Variants in CEP78 observed in about 807,000 individuals in gnomAD.
CEP78 encodes the protein centrosomal protein of 78 kDa.
In CEP78, 76 loss-of-function variants were observed where a neutral mutation model predicts 81.2. That is an observed-to-expected ratio of 0.94 (90% confidence interval 0.78 to 1.13). The LOEUF is 1.13. Ranked by LOEUF, CEP78 falls within the 50% of genes most tolerant of loss-of-function variation. CEP78 has a pLI of 0.00. For synonymous variants in CEP78, 293 were observed against 301.4 expected, an observed-to-expected ratio of 0.97 and a Z score of 0.29; for missense variants, 918 against 846.8, an observed-to-expected ratio of 1.08 and a Z score of -1.04.
Position 78,266,673 on chromosome 9 carries a change from A to C in CEP78, c.2077A>C (p.Arg693=), listed in dbSNP as rs61730339. ...RKEEELSRNS[R]SSSEKKTKTE... is the part of the protein sequence containing the mutation. ...AGAAGAGGAGTTGTCCAGAAATAGCAGATCTTCTTCAGAGAAAAAGACCAA... is the reference window on the plus strand; with the variant it reads ...AGAAGAGGAGTTGTCCAGAAATAGCCGATCTTCTTCAGAGAAAAAGACCAA... The change falls in exon 16 of 17, where the codon AGA becomes CGA. Residue 693 remains arginine (R), a synonymous_variant. Coordinates refer to ENST00000643273, the MANE Select transcript of CEP78 (RefSeq NM_001330691.3). The C allele has an allele frequency of 4.9e-4, 793 of 1,612,238 alleles. 4 individuals are homozygous for C. The African/African-American group carries it at 7.7e-3, about 16-fold the overall frequency.
At position 78,257,476 on chromosome 9, in the gene CEP78, A is replaced by T. The variant is rs76485836; in HGVS notation, c.1380+2512A>T. ...GAAGGAAGATAATAGGATATCAGGG[A>T]TCAGTGGTTTCAGTGTGGAGAGCAG... On this transcript the variant is annotated intron_variant, in intron 11 of 16. Coordinates refer to ENST00000643273, the MANE Select transcript of CEP78 (RefSeq NM_001330691.3). Among the ~76,000 whole-genome samples the T allele has an allele frequency of 3.7e-3, 565 of 152,308 alleles. 2 individuals are homozygous for T. The highest frequency in any genetic ancestry group is 0.013 in the African/African-American group (548 of 41,562).
chr9:78,263,302 C>T (rs551444966), intron 12 of CEP78, among the ~76,000 whole-genome samples: 44 of 151,534 alleles, frequency 2.9e-4, no homozygotes, highest in Non-Finnish European at 5.0e-4. Flanking sequence ...TATACAATTG[C>T]GTAAAAGATG....
intron 16 of CEP78, among the ~76,000 whole-genome samples, chr9:78,270,402 A>G (rs910570197): frequency 8.5e-5 from 13 of 152,200 alleles, no homozygotes; most frequent in African/African-American, 3.1e-4. Flanking sequence ...ACCTGAAATA[A>G]TATCATTTAA....
In CEP78 at chr9:78,236,969, CTTTTTTTTTTTTT is replaced by C. The variant is rs71360676; in HGVS notation, c.253+383_253+395del. ...GAAATTAATACATGTCAGCCTTTGTCTTTTTTTTTTTTTTTTTTTTTTTTTTTTTGAGACACTG... is the reference window on the plus strand; with the variant it reads ...GAAATTAATACATGTCAGCCTTTGTCTTTTTTTTTTTTTTTTGAGACACTG... On this transcript the variant is annotated intron_variant, in intron 1 of 16. Coordinates refer to ENST00000643273, the MANE Select transcript of CEP78 (RefSeq NM_001330691.3). Among the ~76,000 whole-genome samples the C allele has an allele frequency of 3.9e-3, 244 of 62,116 alleles. 4 individuals carry two copies. Among genetic ancestry groups the C allele is most frequent in the Non-Finnish European group, 5.2e-3 (177 of 33,994 alleles). The allele number at this position is 62,116 out of a possible 152,430, so 40.8% of individuals were successfully genotyped here. A position where few individuals can be genotyped will look rare whatever the true frequency, so the allele number is the denominator to read the frequency against.
chr9:78,263,985 C>T, intron 12 of CEP78, 165 bp from the exon 13 acceptor site: 1 of 411,330 alleles, frequency 2.4e-6, no homozygotes, highest in Non-Finnish European at 4.2e-6. Context: ...TGTCAGTTAT[C>T]TCCAGGTTTT....
At position 78,278,009 on chromosome 9, in the gene CEP78, A is replaced by T. The variant is rs1310366059; in HGVS notation, c.*7158A>T. 1 of 152,188 alleles carries T rather than the reference A, an allele frequency of 6.6e-6. No homozygotes were observed. Among genetic ancestry groups the T allele is most frequent in the Non-Finnish European group, 1.5e-5 (1 of 68,038 alleles). The allele number at this position is 152,188 out of a possible 1,614,324, so 9.4% of individuals were successfully genotyped here. A position where few individuals can be genotyped will look rare whatever the true frequency, so the allele number is the denominator to read the frequency against. On this transcript the variant is annotated 3_prime_UTR_variant, in exon 17 of 17. Coordinates refer to ENST00000643273, the MANE Select transcript of CEP78 (RefSeq NM_001330691.3). ...TTGTATAGTTAAAACTTGTTTACCT[A>T]TACGTAGCATATATGCGTGTGTGCA...
At position 78,246,774 on chromosome 9, in the gene CEP78, C is replaced by A; in HGVS notation, c.884C>A (p.Pro295Gln). The change falls in exon 6 of 17, where the codon CCA (proline) becomes CAA (glutamine). Residue 295 changes from proline (P) to glutamine (Q), a missense_variant. Physicochemically the swap from Pro to Gln is moderately conservative, Grantham distance 76 (BLOSUM62 -1). Transcript: ENST00000643273. ...GTCGTTCTGGATATAAGAAAAAATC[C>A]ACTCATTGGTATGTCGCTACAATAT... Reference protein sequence around the residue: ...TLVVLDIRKNPLIDHSMMKAV... With the variant: ...TLVVLDIRKNQLIDHSMMKAV... The A allele has an allele frequency of 1.3e-6, 2 of 1,564,146 alleles. No homozygotes were observed. The highest frequency in any genetic ancestry group is 1.7e-6 in the Non-Finnish European group (2 of 1,146,134).
At chr9:78,247,418 C>T (rs1264966443) in intron 6 of CEP78, among the ~76,000 whole-genome samples, 2 of 151,904 alleles carry the variant, frequency 1.3e-5, no homozygotes, top group African/African-American at 4.9e-5. Flanking sequence ...TATGTAGTTA[C>T]ATAGGTGGCA....
chr9:78,254,926 G>C lies in CEP78; in HGVS notation c.1342G>C (p.Val448Leu), dbSNP rs1190131990. Residue 448 changes from valine to leucine, a missense_variant, in exon 11 of 17, where the codon GTG becomes CTG. By Grantham distance (32) the Val-to-Leu change is conservative (BLOSUM62 1). Transcript: ENST00000643273. ...TGATTCTTCAGAGAGTGTTCATGAA[G>C]TGCCTGAGAAAACTAGTATAGAACA... is the stretch of plus-strand genomic sequence containing the variant. ...VDDSSESVHE[V>L]PEKTSIEQEA... The C allele has an allele frequency of 6.2e-7, 1 of 1,611,666 alleles. No homozygotes were observed. Among genetic ancestry groups the C allele is most frequent in the South Asian group, 1.1e-5 (1 of 90,960 alleles).
At chr9:78,268,067 G>A (rs906056817) in intron 16 of CEP78, among the ~76,000 whole-genome samples, 29 of 152,118 alleles carry the variant, frequency 1.9e-4, no homozygotes, top group African/African-American at 6.3e-4. Context: ...TCGTAATACC[G>A]TATATTACAT....
Position 78,264,286 on chromosome 9 carries a change from A to G in CEP78, c.1595A>G (p.His532Arg). The change falls in exon 13 of 17, where the codon CAT becomes CGT. Residue 532 changes from histidine to arginine, a missense_variant. Coordinates refer to ENST00000643273, the MANE Select transcript of CEP78 (RefSeq NM_001330691.3). The stretch of plus-strand genomic sequence containing the variant: ...ATTGAGAATTCTTTTCAGAAGTTTC[A>G]TGCTTTCTTGGATCTCCTTAAAGAT... ...GSIENSFQKF[H>R]AFLDLLKDAG... 6.2e-7 allele frequency: 1 copy of G among 1,613,270 alleles called. No homozygotes were observed. Among genetic ancestry groups the G allele is most frequent in the Non-Finnish European group, 8.5e-7 (1 of 1,179,516 alleles).
chr9:78,236,456 G>T lies in CEP78; in HGVS notation c.106G>T (p.Ala36Ser). 4 of 1,605,400 alleles carry T rather than the reference G, an allele frequency of 2.5e-6. No homozygotes were observed. Among genetic ancestry groups the T allele is most frequent in the Non-Finnish European group, 3.4e-6 (4 of 1,176,138 alleles). ...CTCGGTGCCGCTGCCCGCCGTGCGC[G>T]CCTGTCTCCGGGAGGGCGTGCTGGA... ...QNSVPLPAVR[A>S]CLREGVLDFN... Residue 36 changes from alanine (A) to serine (S), a missense_variant, in exon 1 of 17, where the codon GCC becomes TCC. Transcript: ENST00000643273.
rs1186202404 is a variant in CEP78, at chr9:78,277,038, A to ATG, written c.*6189_*6190dup. ...GAACCGAGAACCTAGGAACAGAGCA[A>ATG]TGTATATATATATGTATTTAAAAAA... On this transcript the variant is annotated 3_prime_UTR_variant, in exon 17 of 17. Transcript: ENST00000643273. 3 of 152,128 alleles carry ATG rather than the reference A, an allele frequency of 2.0e-5. No homozygotes were observed. The highest frequency in any genetic ancestry group is 6.5e-5 in the Admixed American group (1 of 15,270). 9.4% of individuals were successfully genotyped at this position (152,128 alleles called of 1,614,324 possible). A position where few individuals can be genotyped will look rare whatever the true frequency, so the allele number is the denominator to read the frequency against.
intron 16 of CEP78, among the ~76,000 whole-genome samples, chr9:78,269,614 T>C (rs1827646669): frequency 6.6e-6 from 1 of 152,162 alleles, no homozygotes; most frequent in South Asian, 2.1e-4. Flanking sequence ...AGAGAATAAG[T>C]GTCCACGGGA....
chr9:78,254,990 T>C (rs1826951391), intron 11 of CEP78, 26 bp downstream of exon 11: 1 of 1,588,282 alleles, frequency 6.3e-7, no homozygotes. Context: ...TTTAAAGATA[T>C]GGAGAAGATC....
intron 3 of CEP78, 133 bp from the exon 4 acceptor site, chr9:78,241,563 G>T (rs923861366): frequency 5.8e-6 from 3 of 514,920 alleles, no homozygotes; most frequent in Non-Finnish European, 1.0e-5. Context: ...CAGTTGCTTA[G>T]GTAGATTGTA....
chr9:78,236,118 A>C lies in CEP78; in HGVS notation c.-233A>C. The C allele has an allele frequency of 1.9e-6, 1 of 534,608 alleles. No homozygotes were observed. Among genetic ancestry groups the C allele is most frequent in the Non-Finnish European group, 3.3e-6 (1 of 305,036 alleles). The allele number at this position is 534,608 out of a possible 1,614,324, so 33.1% of individuals were successfully genotyped here. A position where few individuals can be genotyped will look rare whatever the true frequency, so the allele number is the denominator to read the frequency against. ...TCAGAGGACTATGAGGCGGGCGCCA[A>C]CTGCTTGGGCCGCAGGGCGGGAGGC... On this transcript the variant is annotated 5_prime_UTR_variant, in exon 1 of 17. Coordinates refer to ENST00000643273, the MANE Select transcript of CEP78 (RefSeq NM_001330691.3).
Position 78,266,965 on chromosome 9 carries a change from A to C in CEP78, c.2107+262A>C, listed in dbSNP as rs1400712215. 2.8e-6 allele frequency: 4 copies of C among 1,405,666 alleles called. No homozygotes were observed. The African/African-American group carries it at 4.3e-5, about 15-fold the overall frequency. 87.1% of individuals were successfully genotyped at this position (1,405,666 alleles called of 1,614,324 possible). ...AGTGATACTCTTGGATGTGATTTTG[A>C]ATTTCAAGAAAGCATCCATTCTCTA... On this transcript the variant is annotated intron_variant, in intron 16 of 16. Coordinates refer to ENST00000643273, the MANE Select transcript of CEP78 (RefSeq NM_001330691.3).
At chr9:78,265,602 C>G in intron 14 of CEP78, 59 bp downstream of exon 14, 1 of 1,431,358 alleles carries the variant, frequency 7.0e-7, no homozygotes, top group East Asian at 2.5e-5. Context: ...AAGGGAATTA[C>G]TAAGTCAGAG....
Sources: allele counts gnomAD v4.1 joint callset (sites outside exome capture counted in the v4.1 genomes callset), GRCh38; gene constraint gnomAD v4.1.1; transcripts MANE v1.5; gene names NCBI Gene and HGNC (gene_info 2026-07-23, HGNC 2026-07-21).